The following LMBR1 variants were observed in gnomAD, a reference collection of about 807,000 sequenced individuals.
LMBR1 encodes limb region 1 protein homolog.
In LMBR1, 52 loss-of-function variants were observed where a neutral mutation model predicts 73.9. The observed-to-expected ratio is 0.70, with a 90% CI of 0.56 to 0.89. The LOEUF (loss-of-function observed/expected upper bound fraction) is 0.89, where lower values mean the gene tolerates loss of function less well. Among genes scored for constraint, LMBR1 ranks in the 40% least tolerant of loss-of-function variants. LMBR1 has a pLI of 0.00. For missense variants in LMBR1, 539 were observed against 579.8 expected, an observed-to-expected ratio of 0.93 and a Z score of 0.72; for synonymous variants, 215 against 209.4, an observed-to-expected ratio of 1.03 and a Z score of -0.23.
At chr7:156,770,373 A>G (rs1407725569) in intron 5 of LMBR1, among the ~76,000 whole-genome samples, 1 of 152,208 alleles carries the variant, frequency 6.6e-6, no homozygotes, top group Non-Finnish European at 1.5e-5. Flanking sequence ...ACAGAGAATA[A>G]GTCAAAATAT....
rs543727844 is a variant in LMBR1 at position 156,737,347 on chromosome 7, G to C, written c.758-3090C>G. ...CTTATTCCTGTCTTTTTGAATGTGAGCTGCTTGTCATTTCCCTTTTAAACT... is the reference window on the plus strand; with the variant it reads ...CTTATTCCTGTCTTTTTGAATGTGACCTGCTTGTCATTTCCCTTTTAAACT... On this transcript the variant is annotated intron_variant, in intron 9 of 16. Coordinates refer to ENST00000353442, the MANE Select transcript of LMBR1 (RefSeq NM_022458.4). Among the ~76,000 whole-genome samples, 15 of 152,200 alleles carry C rather than the reference G, an allele frequency of 9.9e-5. No homozygotes were observed. In the South Asian group the frequency reaches 2.5e-3, roughly 25 times the overall value.
chr7:156,747,323 A>G (rs1432174789), intron 9 of LMBR1, among the ~76,000 whole-genome samples: 4 of 152,150 alleles, frequency 2.6e-5, no homozygotes, highest in Admixed American at 2.0e-4. Flanking sequence ...AACTTTTCCC[A>G]GCTTTATTCT....
chr7:156,840,224 G>A (rs940188497), intron 1 of LMBR1, among the ~76,000 whole-genome samples: 19 of 152,156 alleles, frequency 1.2e-4, no homozygotes, highest in Non-Finnish European at 5.9e-5. Flanking sequence ...CCCTCATGGA[G>A]CTTACAGTAC....
intron 15 of LMBR1, among the ~76,000 whole-genome samples, chr7:156,692,021 A>G (rs1807297302): frequency 6.6e-6 from 1 of 152,230 alleles, no homozygotes; most frequent in Admixed American, 6.5e-5. Flanking sequence ...TCATAAAACG[A>G]AAGAGAGGCT....
intron 1 of LMBR1, among the ~76,000 whole-genome samples, chr7:156,874,460 G>C (rs111341490): frequency 6.6e-6 from 1 of 152,166 alleles, no homozygotes; most frequent in Non-Finnish European, 1.5e-5. Context: ...ACAGTGCAGC[G>C]GGGGGCCGAA....
At chr7:156,689,020 T>C (rs147408901) in intron 15 of LMBR1, among the ~76,000 whole-genome samples, 30 of 152,162 alleles carry the variant, frequency 2.0e-4, no homozygotes, top group African/African-American at 7.0e-4. Context: ...AGTAGGATGA[T>C]CTAATATATG....
intron 10 of LMBR1, among the ~76,000 whole-genome samples, chr7:156,731,484 A>G (rs1360180461): frequency 6.6e-6 from 1 of 152,224 alleles, no homozygotes; most frequent in East Asian, 1.9e-4. Context: ...TAAAATTGCT[A>G]AACAAAGACA....
At chr7:156,872,596 G>A (rs1036347264) in intron 1 of LMBR1, among the ~76,000 whole-genome samples, 14 of 151,448 alleles carry the variant, frequency 9.2e-5, no homozygotes, top group African/African-American at 3.4e-4. Flanking sequence ...GCAGTGAGCC[G>A]AGATCGCATC....
At chr7:156,771,878 TA>T (rs1825252994) in intron 5 of LMBR1, among the ~76,000 whole-genome samples, 1 of 152,292 alleles carries the variant, frequency 6.6e-6, no homozygotes, top group East Asian at 1.9e-4. Flanking sequence ...ATCAAAAAGC[TA>T]ATCCACCATG....
rs538391116 is a variant in LMBR1, at chr7:156,866,054, A to T, written c.66+26874T>A. Among the ~76,000 whole-genome samples the T allele has an allele frequency of 2.0e-5, 3 of 150,176 alleles. No homozygotes were observed. The South Asian group carries it at 6.4e-4, about 32-fold the overall frequency. ...AGGTCTTCTTGCATATGACATTAAAATCTCAAAAGACAAAAAAAAAAAAAA... is the reference window on the plus strand; with the variant it reads ...AGGTCTTCTTGCATATGACATTAAATTCTCAAAAGACAAAAAAAAAAAAAA... On this transcript the variant is annotated intron_variant, in intron 1 of 16. Coordinates refer to ENST00000353442, the MANE Select transcript of LMBR1 (RefSeq NM_022458.4).
intron 1 of LMBR1, among the ~76,000 whole-genome samples, chr7:156,878,810 T>G (rs977148171): frequency 6.6e-6 from 1 of 152,110 alleles, no homozygotes; most frequent in African/African-American, 2.4e-5. Context: ...AACTATACTA[T>G]AAGGCCGTAG....
chr7:156,714,587 T>C (rs4716655), intron 15 of LMBR1, among the ~76,000 whole-genome samples: 84,776 of 152,070 alleles, frequency 0.56, 23,689 homozygotes, highest in Middle Eastern at 0.67. Context: ...AGTATTTGAA[T>C]GGCAAACGTC....
intron 5 of LMBR1, among the ~76,000 whole-genome samples, chr7:156,780,144 A>G (rs915377329): frequency 2.0e-5 from 3 of 152,232 alleles, no homozygotes; most frequent in Non-Finnish European, 4.4e-5. Flanking sequence ...GTTAAGGTCT[A>G]TAGTAAAACA....
chr7:156,767,608 TAATA>T (rs1824329135), intron 5 of LMBR1, among the ~76,000 whole-genome samples: 1 of 151,750 alleles, frequency 6.6e-6, no homozygotes, highest in Admixed American at 6.6e-5. Context: ...AGTATCAAAA[TAATA>T]AAACTAGTAA....
At chr7:156,844,615 G>GAAA (rs71923215) in intron 1 of LMBR1, among the ~76,000 whole-genome samples, 3 of 128,402 alleles carry the variant, frequency 2.3e-5, no homozygotes, top group East Asian at 2.2e-4. Flanking sequence ...ACACCTGAAT[G>GAAA]AAAAAAAAAA....
chr7:156,848,560 C>A (rs1051778983), intron 1 of LMBR1, among the ~76,000 whole-genome samples: 1 of 152,128 alleles, frequency 6.6e-6, no homozygotes, highest in African/African-American at 2.4e-5. Flanking sequence ...AAAGGGAATG[C>A]TTATAAACTG....
chr7:156,771,321 T>C (rs1347248005), intron 5 of LMBR1, among the ~76,000 whole-genome samples: 1 of 152,048 alleles, frequency 6.6e-6, no homozygotes, highest in Non-Finnish European at 1.5e-5. Context: ...ATAAGGTAGA[T>C]AGACTGCTAG....
At chr7:156,771,537 A>T (rs1825184665) in intron 5 of LMBR1, among the ~76,000 whole-genome samples, 1 of 152,220 alleles carries the variant, frequency 6.6e-6, no homozygotes, top group Admixed American at 6.5e-5. Context: ...TGAACCAGGA[A>T]GAAATTCAAA....
intron 1 of LMBR1, among the ~76,000 whole-genome samples, chr7:156,891,231 T>TACACACAC (rs1212264746): frequency 2.5e-5 from 2 of 78,998 alleles, no homozygotes; most frequent in African/African-American, 1.0e-4. Flanking sequence ...TATATATATA[T>TACACACAC]ATACACACAC....
Sources: gnomAD v4.1 joint callset for allele counts (sites outside exome capture counted in the v4.1 genomes callset) on GRCh38, gnomAD v4.1.1 for gene constraint, MANE v1.5 for transcripts, NCBI Gene and HGNC (gene_info 2026-07-23, HGNC 2026-07-21) for gene names.